The following SH3D19 variants were observed in gnomAD, a reference collection of about 807,000 sequenced individuals.
SH3D19 encodes SH3 domain-containing protein 19.
In SH3D19, 58 loss-of-function variants were observed where a neutral mutation model predicts 112.1. The ratio of observed to expected loss-of-function variants is 0.52; its 90% CI spans 0.42 to 0.64. The LOEUF (loss-of-function observed/expected upper bound fraction) is 0.64. SH3D19 is among the 30% of genes least tolerant of loss of function. The probability of loss-of-function intolerance (pLI) is 0.00; values close to 1 mark genes in which losing one functional copy is unlikely to be tolerated. For missense variants in SH3D19, 1,090 were observed against 1,263.4 expected, an observed-to-expected ratio of 0.86 and a Z score of 2.08; for synonymous variants, 391 against 448.5, an observed-to-expected ratio of 0.87 and a Z score of 1.62.
At chr4:151,282,498 T>C in intron 1 of SH3D19, 5 of 1,416,906 alleles carry the variant, frequency 3.5e-6, no homozygotes, top group Non-Finnish European at 4.8e-6. Context: ...ATCCTTACCA[T>C]GGAAAATATT....
chr4:151,176,599 C>T lies in SH3D19; in HGVS notation c.464G>A (p.Arg155Lys), dbSNP rs913116589. 8.1e-7 allele frequency: 1 copy of T among 1,231,902 alleles called. No homozygotes were observed. The highest frequency in any genetic ancestry group is 1.0e-6 in the Non-Finnish European group (1 of 987,808). 76.3% of individuals were successfully genotyped at this position (1,231,902 alleles called of 1,614,324 possible). Reference protein sequence around the residue: ...TNNNNAAATPRHTITSATQTD... With the variant: ...TNNNNAAATPKHTITSATQTD... ...CTGAGTTGCAGAAGTAATAGTGTGC[C>T]TTGGAGTAGCAGCAGCATTATTATT... The change falls in exon 6 of 20, where the codon AGG becomes AAG. Residue 155 changes from arginine (R) to lysine (K), a missense_variant. Coordinates refer to ENST00000604030, the MANE Select transcript of SH3D19 (RefSeq NM_001378122.1).
At chr4:151,259,276 A>G (rs1458604177) in intron 1 of SH3D19, among the ~76,000 whole-genome samples, 1 of 152,218 alleles carries the variant, frequency 6.6e-6, no homozygotes, top group Non-Finnish European at 1.5e-5. Context: ...CAAAACTGAC[A>G]AATGAGGATG....
chr4:151,143,347 A>G (rs1210546205), intron 12 of SH3D19, among the ~76,000 whole-genome samples: 2 of 152,148 alleles, frequency 1.3e-5, no homozygotes, highest in African/African-American at 4.8e-5. Context: ...AAGGACAGCT[A>G]TGACAGATGG....
At chr4:151,146,823 C>G (rs1754002856) in intron 11 of SH3D19, among the ~76,000 whole-genome samples, 2 of 152,182 alleles carry the variant, frequency 1.3e-5, no homozygotes, top group Non-Finnish European at 2.9e-5. Flanking sequence ...CATGAGCCAC[C>G]ACCCAGCAAC....
intron 2 of SH3D19, among the ~76,000 whole-genome samples, chr4:151,223,036 A>G (rs1397785648): frequency 6.9e-6 from 1 of 144,592 alleles, no homozygotes; most frequent in East Asian, 2.0e-4. Context: ...TAGGACTACT[A>G]CATAAGTGTA....
chr4:151,279,097 T>A, intron 1 of SH3D19: 1 of 425,546 alleles, frequency 2.3e-6, no homozygotes, highest in Non-Finnish European at 4.5e-6. Context: ...CAGATAAAGC[T>A]GTGGCCCAAG....
intron 1 of SH3D19, among the ~76,000 whole-genome samples, chr4:151,268,947 T>C (rs1490507941): frequency 3.9e-5 from 6 of 152,214 alleles, no homozygotes; most frequent in African/African-American, 1.4e-4. Context: ...GTCCTTTGGG[T>C]ATATACCCAG....
chr4:151,219,245 G>A (rs953772988), intron 2 of SH3D19, among the ~76,000 whole-genome samples: 3 of 152,116 alleles, frequency 2.0e-5, no homozygotes, highest in Non-Finnish European at 2.9e-5. Context: ...GGTGATGTCT[G>A]ATCACCCTGG....
In SH3D19 at chr4:151,131,890, T is replaced by C. The variant is rs185414523; in HGVS notation, c.2742+441A>G. Among the ~76,000 whole-genome samples the C allele has an allele frequency of 2.6e-5, 4 of 152,290 alleles. No homozygotes were observed. In the East Asian group the frequency reaches 5.8e-4, roughly 22 times the overall value. ...CCCAGGCTGGAATGCAGTGGTGCTA[T>C]CTTGGCTCACTGCAACCTCCACCGC... On this transcript the variant is annotated intron_variant, in intron 17 of 19. Coordinates refer to ENST00000604030, the MANE Select transcript of SH3D19 (RefSeq NM_001378122.1).
chr4:151,188,031 G>C (rs980596802), intron 2 of SH3D19, among the ~76,000 whole-genome samples: 1 of 151,668 alleles, frequency 6.6e-6, no homozygotes, highest in African/African-American at 2.4e-5. Context: ...CCAACACCCT[G>C]CTTCCTCTCT....
chr4:151,225,386 A>T (rs1205269057), intron 2 of SH3D19, among the ~76,000 whole-genome samples: 1 of 152,226 alleles, frequency 6.6e-6, no homozygotes, highest in Non-Finnish European at 1.5e-5. Context: ...TTTTTCACCT[A>T]TAAGTTTGAC....
intron 3 of SH3D19, among the ~76,000 whole-genome samples, chr4:151,180,645 A>G (rs1760751971): frequency 6.6e-6 from 1 of 151,398 alleles, no homozygotes; most frequent in Non-Finnish European, 1.5e-5. Context: ...CGACCTTGTG[A>G]TCCACCCGCC....
intron 9 of SH3D19, among the ~76,000 whole-genome samples, chr4:151,153,889 CT>C (rs969760944): frequency 1.3e-5 from 2 of 151,960 alleles, no homozygotes; most frequent in Non-Finnish European, 2.9e-5. Context: ...TTATAACTTC[CT>C]TTTTTTTGTT....
At chr4:151,165,724 TG>T (rs750194931) in intron 7 of SH3D19, 28 bp from the exon 8 acceptor site, 2 of 1,592,704 alleles carry the variant, frequency 1.3e-6, no homozygotes, top group African/African-American at 2.7e-5. Flanking sequence ...TTATTTTGCA[TG>T]TTTTAGTTAA....
chr4:151,233,029 T>C (rs1769736226), intron 1 of SH3D19, among the ~76,000 whole-genome samples: 1 of 152,114 alleles, frequency 6.6e-6, no homozygotes, highest in Non-Finnish European at 1.5e-5. Flanking sequence ...CTGCCTACTG[T>C]CAGATAAGCA....
At chr4:151,226,391 T>C in intron 1 of SH3D19, 1 of 1,047,898 alleles carries the variant, frequency 9.5e-7, no homozygotes, top group Non-Finnish European at 1.1e-6. Context: ...TAGAAGAGAT[T>C]TAGCTAAGGA....
intron 1 of SH3D19, chr4:151,283,422 C>A: frequency 1.3e-4 from 77 of 578,720 alleles, no homozygotes; most frequent in East Asian, 3.0e-4. Flanking sequence ...TTACCCTGGA[C>A]AAATCACTTA....
chr4:151,148,234 A>C, intron 10 of SH3D19, 48 bp from the exon 11 acceptor site: 1 of 1,509,066 alleles, frequency 6.6e-7, no homozygotes, highest in Non-Finnish European at 8.9e-7. Context: ...ATCAGTATTA[A>C]ATTCTGTCCT....
At chr4:151,324,673 G>T (rs1242588032) in intron 1 of SH3D19, among the ~76,000 whole-genome samples, 2 of 151,600 alleles carry the variant, frequency 1.3e-5, no homozygotes, top group African/African-American at 4.8e-5. Context: ...CAAATGAATG[G>T]CCTTTTGGAA....
Sources: allele counts gnomAD v4.1 joint callset (sites outside exome capture counted in the v4.1 genomes callset), GRCh38; gene constraint gnomAD v4.1.1; transcripts MANE v1.5; gene names NCBI Gene and HGNC (gene_info 2026-07-23, HGNC 2026-07-21).